ABL1: variants seen among roughly 807,000 people sequenced by gnomAD.
ABL1 encodes ABL proto-oncogene 1, non-receptor tyrosine kinase.
A neutral mutation model predicts 94.7 loss-of-function variants in ABL1; 11 were observed. The observed-to-expected ratio is 0.12, with a 90% CI of 0.07 to 0.19. The LOEUF (loss-of-function observed/expected upper bound fraction) is 0.19. ABL1 is among the 10% of genes least tolerant of loss of function. The pLI is 1.00. For synonymous variants in ABL1, 656 were observed against 622.4 expected, an observed-to-expected ratio of 1.05 and a Z score of -0.80; for missense variants, 1,082 against 1,489.4, an observed-to-expected ratio of 0.73 and a Z score of 4.50.
chr9:130,880,679 T>TC lies in ABL1; in HGVS notation c.1678+20dup. Reference sequence around the variant, plus strand: ...GGGAGAGAGCGGTAAGTCCCCCGCTTCCCCCAACCCCACTGCTCTTCCCTT... The same window carrying TC: ...GGGAGAGAGCGGTAAGTCCCCCGCTTCCCCCCAACCCCACTGCTCTTCCCTT... On this transcript the variant is annotated intron_variant, in intron 10 of 10. Transcript: ENST00000318560. This position sits in a 1 kb window ranked among gnomAD's most constrained non-coding sequence, Gnocchi z 4.4. 1 of 1,611,422 alleles carries TC rather than the reference T, an allele frequency of 6.2e-7. No homozygotes were observed. Among genetic ancestry groups the TC allele is most frequent in the Non-Finnish European group, 8.5e-7 (1 of 1,179,080 alleles).
At chr9:130,741,765 C>T (rs1254998385) in intron 1 of ABL1, among the ~76,000 whole-genome samples, 1 of 152,210 alleles carries the variant, frequency 6.6e-6, no homozygotes, top group East Asian at 1.9e-4. Flanking sequence ...TGACCAAGAC[C>T]TTTGGGTTGT....
intron 1 of ABL1, among the ~76,000 whole-genome samples, chr9:130,745,115 G>A (rs1408016931): frequency 1.5e-5 from 2 of 137,154 alleles, no homozygotes; most frequent in Non-Finnish European, 3.1e-5. Context: ...GCAGAGTTTT[G>A]CTCTTGTTGC....
chr9:130,728,303 A>G (rs1831616159), intron 1 of ABL1, among the ~76,000 whole-genome samples: 1 of 147,786 alleles, frequency 6.8e-6, no homozygotes. Context: ...CCTGAGCTCA[A>G]GCAATCTGCC....
chr9:130,779,239 G>A (rs964735513), intron 1 of ABL1, among the ~76,000 whole-genome samples: 10 of 152,190 alleles, frequency 6.6e-5, no homozygotes, highest in African/African-American at 1.9e-4. Context: ...CGACTGCACC[G>A]GAGATGTGTG....
intron 1 of ABL1, among the ~76,000 whole-genome samples, chr9:130,827,608 A>G (rs927957331): frequency 2.0e-5 from 3 of 152,268 alleles, no homozygotes; most frequent in African/African-American, 4.8e-5. Flanking sequence ...TAAAAGAACT[A>G]TTCAGCTTGG....
intron 1 of ABL1, among the ~76,000 whole-genome samples, chr9:130,789,546 A>C (rs566173261): frequency 1.5e-4 from 23 of 151,482 alleles, no homozygotes; most frequent in Middle Eastern, 3.4e-3. Context: ...ACACACACAC[A>C]CCCTGAAACA....
rs369660727 is a variant in ABL1, at chr9:130,852,864, TAAAA to T, written c.80-1192_80-1189del. On this transcript the variant is annotated intron_variant, in intron 1 of 10. Transcript: ENST00000318560. ...TCTGTAATAATAATTGCCACAAGGTTAAAAAAAAAAATTTACAGAAGAACATATT... is the reference window on the plus strand; with the variant it reads ...TCTGTAATAATAATTGCCACAAGGTTAAAAAAATTTACAGAAGAACATATT... 5.2e-4 allele frequency among the ~76,000 whole-genome samples: 78 copies of T among 149,516 alleles called. 1 individual carries two copies. In the East Asian group the frequency reaches 0.015, roughly 28 times the overall value.
At chr9:130,878,836 CACAG>C (rs1445827142) in intron 8 of ABL1, among the ~76,000 whole-genome samples, 2 of 151,296 alleles carry the variant, frequency 1.3e-5, no homozygotes, top group Admixed American at 1.3e-4. Flanking sequence ...GCCCTGCTTT[CACAG>C]ACATTCTGCT....
chr9:130,880,677 C>A lies in ABL1; in HGVS notation c.1678+13C>A. 7.4e-6 allele frequency: 12 copies of A among 1,612,004 alleles called. No homozygotes were observed. The highest frequency in any genetic ancestry group is 1.0e-5 in the Non-Finnish European group (12 of 1,179,300). On this transcript the variant is annotated intron_variant, in intron 10 of 10. Transcript: ENST00000318560. This position sits in a 1 kb window ranked among gnomAD's most constrained non-coding sequence, Gnocchi z 4.4. Reference sequence around the variant, plus strand: ...CAGGGAGAGAGCGGTAAGTCCCCCGCTTCCCCCAACCCCACTGCTCTTCCC... The same window carrying A: ...CAGGGAGAGAGCGGTAAGTCCCCCGATTCCCCCAACCCCACTGCTCTTCCC...
intron 1 of ABL1, among the ~76,000 whole-genome samples, chr9:130,850,331 T>C (rs2132947926): frequency 6.6e-6 from 1 of 151,958 alleles, no homozygotes; most frequent in Non-Finnish European, 1.5e-5. Context: ...CAACAGTAAA[T>C]GATTGGAATG....
rs886778709 is a variant in ABL1 at position 130,766,746 on chromosome 9, G to T, written c.136+52291G>T. 2.6e-4 allele frequency among the ~76,000 whole-genome samples: 39 copies of T among 152,216 alleles called. 1 individual carries two copies. Among genetic ancestry groups the T allele is most frequent in the Admixed American group, 7.9e-4 (12 of 15,286 alleles). ...ACCTCACACCACCCACTGCTCTGCT[G>T]TCAGGGCTACCACCCCGGCCCCACC... On this transcript the variant is annotated intron_variant, in intron 1 of 10. Transcript: ENST00000372348.
At chr9:130,766,336 A>G (rs1330165488) in intron 1 of ABL1, among the ~76,000 whole-genome samples, 1 of 152,212 alleles carries the variant, frequency 6.6e-6, no homozygotes, top group Non-Finnish European at 1.5e-5. Flanking sequence ...GAAGAGATCC[A>G]TGACCGCAGA....
chr9:130,751,979 G>A (rs1284802504), intron 1 of ABL1, among the ~76,000 whole-genome samples: 1 of 152,220 alleles, frequency 6.6e-6, no homozygotes, highest in South Asian at 2.1e-4. Context: ...CCTGGAAGGA[G>A]GATGGAATGG....
exon 1 of ABL1, among the ~76,000 whole-genome samples, chr9:130,713,234 G>A (rs938116813): frequency 1.3e-5 from 2 of 152,128 alleles, no homozygotes; most frequent in African/African-American, 2.4e-5. Flanking sequence ...AGCGTCCGGG[G>A]CCGGGGGAGG....
intron 7 of ABL1, among the ~76,000 whole-genome samples, chr9:130,875,826 CTCTCT>C (rs1158616984): frequency 1.3e-5 from 2 of 152,036 alleles, no homozygotes; most frequent in African/African-American, 4.8e-5. Flanking sequence ...CCCTCCCCTC[CTCTCT>C]TCTCCTTCTC....
At chr9:130,831,734 G>A (rs912487291), upstream of ABL1, among the ~76,000 whole-genome samples, 1 of 151,916 alleles carries the variant, frequency 6.6e-6, no homozygotes, top group South Asian at 2.1e-4. Context: ...TCAGCCTCTC[G>A]AGTAGCTGGG....
chr9:130,763,271 G>A (rs905914244), intron 1 of ABL1, among the ~76,000 whole-genome samples: 1 of 151,474 alleles, frequency 6.6e-6, no homozygotes, highest in Admixed American at 6.6e-5. Context: ...TTTAAATTTA[G>A]CAAAGTAAAG....
intron 7 of ABL1, among the ~76,000 whole-genome samples, chr9:130,876,868 C>G (rs1444770686): frequency 5.5e-5 from 8 of 145,826 alleles, no homozygotes; most frequent in Non-Finnish European, 1.0e-4. Context: ...TCCCGAGTAG[C>G]TGAGACTATA....
chr9:130,741,337 G>A (rs1831814765), intron 1 of ABL1, among the ~76,000 whole-genome samples: 1 of 152,010 alleles, frequency 6.6e-6, no homozygotes, highest in Non-Finnish European at 1.5e-5. Context: ...CAGTTACCAT[G>A]CCAGAGTAAC....
Sources: allele counts gnomAD v4.1 joint callset (sites outside exome capture counted in the v4.1 genomes callset), GRCh38; gene constraint gnomAD v4.1.1; non-coding constraint Gnocchi (gnomAD v3.1); transcripts MANE v1.5; gene names NCBI Gene and HGNC (gene_info 2026-07-23, HGNC 2026-07-21).